Variants in TSNARE1 observed in about 807,000 individuals in gnomAD.
TSNARE1 encodes the protein t-SNARE domain-containing protein 1.
In TSNARE1, 49 loss-of-function variants were observed where a neutral mutation model predicts 62.0. The observed-to-expected ratio is 0.79, with a 90% CI of 0.63 to 1.00. The LOEUF is 1.00. Among genes scored for constraint, TSNARE1 ranks in the 50% least tolerant of loss-of-function variants. The probability of loss-of-function intolerance (pLI) is 0.00; values close to 1 mark genes in which losing one functional copy is unlikely to be tolerated. For synonymous variants in TSNARE1, 328 were observed against 294.4 expected (o/e 1.11, Z -1.17); for missense variants, 755 against 700.1 (o/e 1.08, Z -0.88).
rs528956703 is a variant in TSNARE1, at chr8:142,329,216, T to G, written c.893+1685A>C. Among the ~76,000 whole-genome samples, 22 of 152,282 alleles carry G rather than the reference T, an allele frequency of 1.4e-4. No homozygotes were observed. The South Asian group carries it at 3.9e-3, about 27-fold the overall frequency. ...AGCAGGCTAGACCCACAGCTGGCCA[T>G]GCAGGGAGGGTCAGAAAAGCACTAA... On this transcript the variant is annotated intron_variant, in intron 6 of 13. Transcript: ENST00000524325.
intron 1 of TSNARE1, among the ~76,000 whole-genome samples, chr8:142,368,469 A>T (rs1254116206): frequency 1.3e-5 from 2 of 152,170 alleles, no homozygotes; most frequent in Non-Finnish European, 2.9e-5. Context: ...GGCCTGTCTC[A>T]TCAGACAGCT....
At chr8:142,355,573 G>A (rs1325601685) in intron 1 of TSNARE1, among the ~76,000 whole-genome samples, 1 of 152,174 alleles carries the variant, frequency 6.6e-6, no homozygotes, top group African/African-American at 2.4e-5. Flanking sequence ...AGAGGATAAC[G>A]GGAGCTCTCC....
chr8:142,386,398 G>C (rs527451738), intron 1 of TSNARE1, among the ~76,000 whole-genome samples: 1 of 152,096 alleles, frequency 6.6e-6, no homozygotes, highest in South Asian at 2.1e-4. Flanking sequence ...TTCAATATAA[G>C]AACTCTTTAA....
chr8:142,307,834 C>T (rs1379823858), intron 9 of TSNARE1, among the ~76,000 whole-genome samples: 1 of 152,212 alleles, frequency 6.6e-6, no homozygotes, highest in East Asian at 1.9e-4. Context: ...GCACACCCCA[C>T]CAGTAAAGGC....
intron 1 of TSNARE1, among the ~76,000 whole-genome samples, chr8:142,360,134 G>A (rs1224324542): frequency 1.3e-5 from 2 of 152,242 alleles, no homozygotes; most frequent in African/African-American, 4.8e-5. Flanking sequence ...TTCAGGACGC[G>A]GTGGCGCCCC....
At chr8:142,366,761 GGT>G (rs1835576452) in intron 1 of TSNARE1, among the ~76,000 whole-genome samples, 1 of 152,326 alleles carries the variant, frequency 6.6e-6, no homozygotes, top group African/African-American at 2.4e-5. Context: ...ACACTGTTAT[GGT>G]GGTGTCAGCC....
chr8:142,266,083 C>A (rs951657969), intron 12 of TSNARE1, among the ~76,000 whole-genome samples: 1 of 152,166 alleles, frequency 6.6e-6, no homozygotes, highest in Non-Finnish European at 1.5e-5. Flanking sequence ...AACCCTTGAG[C>A]TTTTTTATGA....
intron 1 of TSNARE1, among the ~76,000 whole-genome samples, chr8:142,388,610 T>A (rs1332595903): frequency 7.3e-6 from 1 of 137,198 alleles, no homozygotes; most frequent in African/African-American, 2.8e-5. Flanking sequence ...CAAGCTGGAA[T>A]GCAGTGGGAG....
intron 12 of TSNARE1, among the ~76,000 whole-genome samples, chr8:142,239,498 G>A (rs1315505870): frequency 6.6e-6 from 1 of 152,208 alleles, no homozygotes; most frequent in East Asian, 1.9e-4. Flanking sequence ...GAATGACCTG[G>A]CAACATTTCA....
At chr8:142,358,078 G>A (rs1834888245) in intron 1 of TSNARE1, among the ~76,000 whole-genome samples, 1 of 111,620 alleles carries the variant, frequency 9.0e-6, no homozygotes, top group Non-Finnish European at 1.7e-5. Flanking sequence ...GGGCGGCGGG[G>A]TCTGCTGGGT....
At chr8:142,399,235 T>C (rs996886992) in intron 1 of TSNARE1, among the ~76,000 whole-genome samples, 5 of 152,204 alleles carry the variant, frequency 3.3e-5, no homozygotes, top group African/African-American at 7.2e-5. Context: ...GGCTCCACCA[T>C]GCAGCACTAA....
At position 142,217,419 on chromosome 8, in the gene TSNARE1, G is replaced by A. The variant is rs1355101425; in HGVS notation, c.*12-5106C>T. Among the ~76,000 whole-genome samples the A allele has an allele frequency of 2.0e-5, 3 of 152,218 alleles. No homozygotes were observed. The East Asian group carries it at 5.8e-4, about 29-fold the overall frequency. ...GCAAGCAAGCAACGGCGTAAGGAATGGCTGACCCCACAAGAGGCTTGGGCC... is the reference window on the plus strand; with the variant it reads ...GCAAGCAAGCAACGGCGTAAGGAATAGCTGACCCCACAAGAGGCTTGGGCC... On this transcript the variant is annotated intron_variant, in intron 13 of 13. Transcript: ENST00000524325.
intron 6 of TSNARE1, among the ~76,000 whole-genome samples, chr8:142,327,514 C>T (rs1267050031): frequency 1.3e-5 from 2 of 152,214 alleles, no homozygotes; most frequent in African/African-American, 4.8e-5. Flanking sequence ...TCTGTCCCTA[C>T]ATATGGAGGG....
At chr8:142,347,977 G>A (rs1051175277) in intron 2 of TSNARE1, among the ~76,000 whole-genome samples, 2 of 152,200 alleles carry the variant, frequency 1.3e-5, no homozygotes, top group Admixed American at 1.3e-4. Context: ...CACGCCCCTC[G>A]AGGGGCCAGT....
intron 13 of TSNARE1, among the ~76,000 whole-genome samples, chr8:142,224,725 G>A (rs1461947659): frequency 7.7e-5 from 3 of 39,150 alleles, no homozygotes; most frequent in Admixed American, 2.7e-4. Flanking sequence ...AGGGAGGGGT[G>A]CTCTGGGGGC....
At chr8:142,236,619 C>A (rs1438867883) in intron 12 of TSNARE1, among the ~76,000 whole-genome samples, 1 of 151,700 alleles carries the variant, frequency 6.6e-6, no homozygotes, top group Admixed American at 6.6e-5. Flanking sequence ...TAAAAAAATT[C>A]AGAAATCCCC....
intron 1 of TSNARE1, among the ~76,000 whole-genome samples, chr8:142,388,175 G>T (rs1484315582): frequency 6.6e-6 from 1 of 151,942 alleles, no homozygotes; most frequent in Non-Finnish European, 1.5e-5. Flanking sequence ...CCCCATAGAT[G>T]ATTTTTTAAA....
chr8:142,359,041 G>T (rs1834960169), intron 1 of TSNARE1, among the ~76,000 whole-genome samples: 1 of 151,992 alleles, frequency 6.6e-6, no homozygotes, highest in South Asian at 2.1e-4. Flanking sequence ...TTGCTCACTG[G>T]GGGTTCTGCC....
chr8:142,240,704 A>G (rs927481707), intron 12 of TSNARE1, among the ~76,000 whole-genome samples: 2 of 152,256 alleles, frequency 1.3e-5, no homozygotes, highest in African/African-American at 4.8e-5. Flanking sequence ...TAAATTAAAA[A>G]TCCCCATGCA....
Sources: allele counts gnomAD v4.1 joint callset (sites outside exome capture counted in the v4.1 genomes callset), GRCh38; gene constraint gnomAD v4.1.1; transcripts MANE v1.5; gene names NCBI Gene and HGNC (gene_info 2026-07-23, HGNC 2026-07-21).